The following COBL variants were observed in gnomAD, a reference collection of about 807,000 sequenced individuals.
COBL encodes cordon-bleu WH2 repeat protein, also known as protein cordon-bleu.
In COBL, 51 loss-of-function variants were observed where a neutral mutation model predicts 98.8. That is an observed-to-expected ratio of 0.52 (90% CI 0.41 to 0.65). COBL has a LOEUF of 0.65. Ranked by LOEUF, COBL falls within the 30% of genes least tolerant of loss-of-function variation. The probability of loss-of-function intolerance (pLI) is 0.00; values close to 1 mark genes in which losing one functional copy is unlikely to be tolerated. For missense variants in COBL, 1,617 were observed against 1,617.5 expected (o/e 1.00, Z 0.01); for synonymous variants, 634 against 651.7 (o/e 0.97, Z 0.41).
Position 51,146,873 on chromosome 7 carries a change from A to G in COBL, c.784-10542T>C, listed in dbSNP as rs536128419. ...AGACCTACAAAAGTTACTTAATAGGAGGGCTGTGATCCATTGGGAAGTTGG... is the reference window on the plus strand; with the variant it reads ...AGACCTACAAAAGTTACTTAATAGGGGGGCTGTGATCCATTGGGAAGTTGG... On this transcript the variant is annotated intron_variant, in intron 5 of 12. Coordinates refer to ENST00000265136, the MANE Select transcript of COBL (RefSeq NM_015198.5). Among the ~76,000 whole-genome samples, 3 of 152,292 alleles carry G rather than the reference A, an allele frequency of 2.0e-5. No homozygotes were observed. In the South Asian group the frequency reaches 6.2e-4, roughly 32 times the overall value.
intron 1 of COBL, among the ~76,000 whole-genome samples, chr7:51,309,338 A>C (rs1486728163): frequency 6.6e-6 from 1 of 152,158 alleles, no homozygotes; most frequent in East Asian, 1.9e-4. Context: ...GCACCAAATA[A>C]AAATCAGCAG....
intron 7 of COBL, among the ~76,000 whole-genome samples, chr7:51,045,566 C>T (rs1321934422): frequency 2.6e-5 from 4 of 152,228 alleles, no homozygotes; most frequent in African/African-American, 4.8e-5. Flanking sequence ...ACCCTCTTCC[C>T]TCTCCAGGGA....
chr7:51,296,799 T>C (rs923624974), intron 1 of COBL, among the ~76,000 whole-genome samples: 2 of 152,198 alleles, frequency 1.3e-5, no homozygotes, highest in African/African-American at 2.4e-5. Context: ...CCATGTGAAG[T>C]GCGTTACAAA....
chr7:51,288,999 G>C (rs536765660), intron 1 of COBL, among the ~76,000 whole-genome samples: 2 of 152,036 alleles, frequency 1.3e-5, no homozygotes, highest in Non-Finnish European at 2.9e-5. Context: ...GGGCCAAAAC[G>C]TCTTGTTTCC....
chr7:51,093,624 G>A (rs1795012667), intron 6 of COBL, among the ~76,000 whole-genome samples: 1 of 152,194 alleles, frequency 6.6e-6, no homozygotes, highest in East Asian at 1.9e-4. Context: ...GGGCACAATG[G>A]CTCACACCTG....
rs138664610 is a variant in COBL, at chr7:51,051,933, A to G, written c.1097-8241T>C. 3.4e-3 allele frequency among the ~76,000 whole-genome samples: 516 copies of G among 152,350 alleles called. 3 individuals carry two copies. Among genetic ancestry groups the G allele is most frequent in the African/African-American group, 0.011 (450 of 41,578 alleles). On this transcript the variant is annotated intron_variant, in intron 7 of 12. Transcript: ENST00000265136. ...TTTTTGTTGTTGTTGTTTTTAAGCCAATAGTTAAACAGGATTCCTTCTCTA... is the reference window on the plus strand; with the variant it reads ...TTTTTGTTGTTGTTGTTTTTAAGCCGATAGTTAAACAGGATTCCTTCTCTA...
chr7:51,224,831 C>A (rs935584938), intron 1 of COBL, among the ~76,000 whole-genome samples: 2 of 152,134 alleles, frequency 1.3e-5, no homozygotes, highest in African/African-American at 4.8e-5. Flanking sequence ...CCACCATACC[C>A]GGCTAATTTG....
At chr7:51,280,901 T>A (rs556662455) in intron 1 of COBL, among the ~76,000 whole-genome samples, 1 of 152,266 alleles carries the variant, frequency 6.6e-6, no homozygotes, top group African/African-American at 2.4e-5. Context: ...CGAACCCAAC[T>A]AGGTCAATTG....
chr7:51,065,630 C>T (rs1023351200), intron 7 of COBL, among the ~76,000 whole-genome samples: 1 of 152,208 alleles, frequency 6.6e-6, no homozygotes, highest in Non-Finnish European at 1.5e-5. Flanking sequence ...GAGTCAGAGT[C>T]CGGGTCTCCC....
chr7:51,144,463 A>G (rs1327541364), intron 5 of COBL, among the ~76,000 whole-genome samples: 1 of 152,198 alleles, frequency 6.6e-6, no homozygotes, highest in Admixed American at 6.5e-5. Flanking sequence ...CTGCACACCA[A>G]TCCAAGCATA....
At chr7:51,090,794 AG>A in intron 6 of COBL, among the ~76,000 whole-genome samples, 1 of 152,372 alleles carries the variant, frequency 6.6e-6, no homozygotes, top group Middle Eastern at 3.4e-3. Context: ...TCAGTTGACC[AG>A]GAATACAGAC....
At chr7:51,262,009 G>A (rs1313921298) in intron 1 of COBL, among the ~76,000 whole-genome samples, 1 of 152,212 alleles carries the variant, frequency 6.6e-6, no homozygotes, top group African/African-American at 2.4e-5. Context: ...GGCACCCTCT[G>A]GGCAGGCAAG....
At chr7:51,208,416 C>T (rs1176070619) in intron 2 of COBL, among the ~76,000 whole-genome samples, 11 of 121,612 alleles carry the variant, frequency 9.0e-5, no homozygotes, top group Admixed American at 2.5e-4. Context: ...CCCGGCCAGC[C>T]GCCCCGTCCG....
intron 1 of COBL, among the ~76,000 whole-genome samples, chr7:51,254,976 T>TG (rs1342588812): frequency 6.6e-6 from 1 of 152,214 alleles, no homozygotes; most frequent in Admixed American, 6.5e-5. Flanking sequence ...TCAATCTCTA[T>TG]GTATCCCTCC....
chr7:51,069,568 C>T (rs1792302418), intron 7 of COBL, among the ~76,000 whole-genome samples: 1 of 152,200 alleles, frequency 6.6e-6, no homozygotes, highest in Admixed American at 6.5e-5. Flanking sequence ...TTACACATTC[C>T]AGGAAGAACC....
At chr7:51,065,463 G>A (rs1251720447) in intron 7 of COBL, 42 of 691,986 alleles carry the variant, frequency 6.1e-5, no homozygotes, top group Non-Finnish European at 9.3e-5. Context: ...TAGGGGCAAG[G>A]AGGAAATTCA....
intron 5 of COBL, among the ~76,000 whole-genome samples, chr7:51,146,228 TG>T (rs1562963406): frequency 6.6e-6 from 1 of 152,232 alleles, no homozygotes. Flanking sequence ...TGAAACTGAA[TG>T]GCTTTTGTCT....
At chr7:51,025,477 G>A in intron 11 of COBL, 105 bp from the exon 12 acceptor site, 1 of 1,190,288 alleles carries the variant, frequency 8.4e-7, no homozygotes, top group Non-Finnish European at 1.2e-6. Flanking sequence ...TGAGGATTGG[G>A]GGTGACTAGG....
At chr7:51,260,434 C>G (rs1000727953) in intron 1 of COBL, among the ~76,000 whole-genome samples, 17 of 152,218 alleles carry the variant, frequency 1.1e-4, no homozygotes, top group African/African-American at 4.1e-4. Flanking sequence ...GGGATAGATT[C>G]TAAACATCCA....
Sources: gnomAD v4.1 joint callset for allele counts (sites outside exome capture counted in the v4.1 genomes callset) on GRCh38, gnomAD v4.1.1 for gene constraint, MANE v1.5 for transcripts, NCBI Gene and HGNC (gene_info 2026-07-23, HGNC 2026-07-21) for gene names.